ABTB2: variants seen among roughly 807,000 people sequenced by gnomAD.
ABTB2 encodes the protein ankyrin repeat and BTB/POZ domain-containing protein 2.
A neutral mutation model predicts 104.1 loss-of-function variants in ABTB2; 56 were observed. The observed-to-expected ratio is 0.54, with a 90% CI of 0.43 to 0.67. The LOEUF is 0.67. Among genes scored for constraint, ABTB2 ranks in the 30% least tolerant of loss-of-function variants. ABTB2 has a pLI of 0.00. For missense variants in ABTB2, 1,279 were observed against 1,407.7 expected, an observed-to-expected ratio of 0.91 and a Z score of 1.46; for synonymous variants, 606 against 608.2, an observed-to-expected ratio of 1.00 and a Z score of 0.05.
At chr11:34,159,274 G>A (rs1181370310) in intron 14 of ABTB2, 22 bp downstream of exon 14, 2 of 1,596,364 alleles carry the variant, frequency 1.3e-6, no homozygotes, top group Admixed American at 1.7e-5. Context: ...CTGAGAAGAG[G>A]GCGGCACCAA....
At chr11:34,294,879 A>G (rs1854602353) in intron 1 of ABTB2, among the ~76,000 whole-genome samples, 1 of 150,316 alleles carries the variant, frequency 6.7e-6, no homozygotes, top group South Asian at 2.1e-4. Context: ...ATGCCCGGCT[A>G]TTTTTTTTTA....
At chr11:34,185,146 G>A (rs1853081126) in intron 3 of ABTB2, among the ~76,000 whole-genome samples, 1 of 152,214 alleles carries the variant, frequency 6.6e-6, no homozygotes, top group Non-Finnish European at 1.5e-5. Flanking sequence ...ATAGTATAAG[G>A]CAGAAAGATG....
chr11:34,315,100 T>G (rs72914585), intron 1 of ABTB2, among the ~76,000 whole-genome samples: 1 of 152,176 alleles, frequency 6.6e-6, no homozygotes, highest in Non-Finnish European at 1.5e-5. Context: ...AAAAGAGGCC[T>G]GCACTCGCGC....
rs1246603699 is a variant in ABTB2, at chr11:34,357,828, C to G, written c.-245G>C. ...GCTGCCACTGGAAAGAACCCCGTCG[C>G]TACCCCCCGGCACTCCCCCTTGTCC... On this transcript the variant is annotated 5_prime_UTR_variant, in exon 1 of 17. Coordinates refer to ENST00000435224, the MANE Select transcript of ABTB2 (RefSeq NM_145804.3). The G allele has an allele frequency of 8.0e-6, 4 of 498,598 alleles. No individual in the cohort carries two copies. Among genetic ancestry groups the G allele is most frequent in the Non-Finnish European group, 1.4e-5 (4 of 282,560 alleles). 30.9% of individuals were successfully genotyped at this position (498,598 alleles called of 1,614,324 possible). A position where few individuals can be genotyped will look rare whatever the true frequency, so the allele number is the denominator to read the frequency against.
At chr11:34,326,245 TA>T (rs1277863974) in intron 1 of ABTB2, among the ~76,000 whole-genome samples, 1 of 152,152 alleles carries the variant, frequency 6.6e-6, no homozygotes, top group African/African-American at 2.4e-5. Flanking sequence ...ATTAAGTATG[TA>T]GTTTTTAATC....
chr11:34,204,560 G>A lies in ABTB2; in HGVS notation c.1014C>T (p.Gly338=), dbSNP rs962137095. ...CACACTTACTCAGCTCCGAGATGCT[G>A]CCCACGCAGGTGGCCAGGAGGGACT... ...LEQSLLATCV[G]SISELSDLVS... The change falls in exon 2 of 17, where the codon GGC becomes GGT. Residue 338 remains glycine, a synonymous_variant. Coordinates refer to ENST00000435224, the MANE Select transcript of ABTB2 (RefSeq NM_145804.3). 1.9e-6 allele frequency: 3 copies of A among 1,611,726 alleles called. No individual in the cohort carries two copies. In the Admixed American group the frequency reaches 5.0e-5, roughly 27 times the overall value.
intron 1 of ABTB2, among the ~76,000 whole-genome samples, chr11:34,330,838 C>CTG (rs1855120801): frequency 6.6e-6 from 1 of 152,186 alleles, no homozygotes; most frequent in Admixed American, 6.5e-5. Context: ...GGAACTGTTC[C>CTG]CAAGCTATGT....
intron 1 of ABTB2, among the ~76,000 whole-genome samples, chr11:34,244,956 A>T (rs1302355762): frequency 6.6e-6 from 1 of 152,192 alleles, no homozygotes; most frequent in East Asian, 1.9e-4. Flanking sequence ...TGGATTAAGC[A>T]GAGATCACGC....
At chr11:34,291,372 A>G (rs1854563822) in intron 1 of ABTB2, among the ~76,000 whole-genome samples, 1 of 152,238 alleles carries the variant, frequency 6.6e-6, no homozygotes, top group Admixed American at 6.5e-5. Context: ...CTCCATCAGC[A>G]GAACACATGG....
intron 1 of ABTB2, among the ~76,000 whole-genome samples, chr11:34,271,844 A>G (rs1241047032): frequency 6.6e-6 from 1 of 152,174 alleles, no homozygotes; most frequent in Non-Finnish European, 1.5e-5. Flanking sequence ...GATGGTGGAA[A>G]CATGTTGTAC....
At chr11:34,193,731 G>A (rs1461677810) in intron 3 of ABTB2, among the ~76,000 whole-genome samples, 2 of 152,248 alleles carry the variant, frequency 1.3e-5, no homozygotes, top group African/African-American at 4.8e-5. Flanking sequence ...TACAGGTGAG[G>A]AGCCTAAGGC....
At chr11:34,271,734 AATACATACATACATACATACATACATAC>A (rs11268199) in intron 1 of ABTB2, among the ~76,000 whole-genome samples, 6 of 149,814 alleles carry the variant, frequency 4.0e-5, no homozygotes, top group Non-Finnish European at 4.4e-5. Flanking sequence ...CCCTATCTCA[AATACATACATACATACATACATACATAC>A]ATACATACAT....
intron 1 of ABTB2, among the ~76,000 whole-genome samples, chr11:34,279,716 G>A (rs1429826417): frequency 6.6e-6 from 1 of 151,614 alleles, no homozygotes; most frequent in East Asian, 1.9e-4. Flanking sequence ...TCTAGAAGGT[G>A]CTAACACTCA....
At chr11:34,182,976 G>A (rs977343673) in intron 3 of ABTB2, among the ~76,000 whole-genome samples, 3 of 152,162 alleles carry the variant, frequency 2.0e-5, no homozygotes, top group African/African-American at 7.2e-5. Flanking sequence ...GTGTCCCTGA[G>A]TCTAAGCTTC....
chr11:34,249,525 G>C (rs753577432), intron 1 of ABTB2, among the ~76,000 whole-genome samples: 32 of 150,608 alleles, frequency 2.1e-4, no homozygotes, highest in Non-Finnish European at 3.9e-4. Flanking sequence ...GTTTACAAGA[G>C]GGCAGGCCTC....
At chr11:34,302,083 C>T (rs910387171) in intron 1 of ABTB2, among the ~76,000 whole-genome samples, 1 of 152,192 alleles carries the variant, frequency 6.6e-6, no homozygotes, top group African/African-American at 2.4e-5. Context: ...TGTGTGTACA[C>T]CCCCAAGATA....
At chr11:34,182,225 C>G (rs929702671) in intron 3 of ABTB2, among the ~76,000 whole-genome samples, 1 of 152,244 alleles carries the variant, frequency 6.6e-6, no homozygotes, top group Non-Finnish European at 1.5e-5. Flanking sequence ...GGATAAAAAA[C>G]CAACATTGTC....
At chr11:34,266,071 A>T (rs1414522704) in intron 1 of ABTB2, among the ~76,000 whole-genome samples, 1 of 152,130 alleles carries the variant, frequency 6.6e-6, no homozygotes, top group Non-Finnish European at 1.5e-5. Flanking sequence ...CCACGAATTC[A>T]TTTTTGTTAT....
At chr11:34,209,226 A>G (rs59804671) in intron 1 of ABTB2, among the ~76,000 whole-genome samples, 1,636 of 151,974 alleles carry the variant, frequency 0.011, 26 homozygotes, top group African/African-American at 0.037. Flanking sequence ...CACACCTGTA[A>G]TCCCAGCTAC....
Sources: allele counts gnomAD v4.1 joint callset (sites outside exome capture counted in the v4.1 genomes callset), GRCh38; gene constraint gnomAD v4.1.1; transcripts MANE v1.5; gene names NCBI Gene and HGNC (gene_info 2026-07-23, HGNC 2026-07-21).